Variants in LAMA4 observed in about 807,000 individuals in gnomAD.
The protein encoded by LAMA4 is laminin subunit alpha 4, also known as laminin subunit alpha-4.
A neutral mutation model predicts 207.1 loss-of-function variants in LAMA4; 127 were observed. That is an observed-to-expected ratio of 0.61 (90% CI 0.53 to 0.71). LAMA4 has a LOEUF of 0.71. Ranked by LOEUF, LAMA4 falls within the 30% of genes least tolerant of loss-of-function variation. The pLI is 0.00. For synonymous variants in LAMA4, 761 were observed against 816.0 expected (o/e 0.93, Z 1.15); for missense variants, 2,093 against 2,246.5 (o/e 0.93, Z 1.38).
chr6:112,194,684 C>T (rs1400003078), intron 5 of LAMA4, among the ~76,000 whole-genome samples: 2 of 152,180 alleles, frequency 1.3e-5, no homozygotes, highest in Non-Finnish European at 2.9e-5. Context: ...GTTCTTTCCA[C>T]TCCAGCAGTC....
intron 2 of LAMA4, among the ~76,000 whole-genome samples, chr6:112,241,240 T>C (rs150680328): frequency 2.7e-5 from 4 of 146,924 alleles, no homozygotes; most frequent in African/African-American, 9.9e-5. Context: ...TATATGAATG[T>C]GTATATATAT....
At chr6:112,115,733 A>C (rs587745053) in intron 36 of LAMA4, 130 bp downstream of exon 36, 1 of 1,014,240 alleles carries the variant, frequency 9.9e-7, no homozygotes. Context: ...TTTACATTTC[A>C]TGTTATAGCT....
At chr6:112,224,808 TG>T (rs1313296292) in intron 2 of LAMA4, among the ~76,000 whole-genome samples, 2 of 128,334 alleles carry the variant, frequency 1.6e-5, no homozygotes, top group Non-Finnish European at 3.2e-5. Flanking sequence ...AGAGCAAGAC[TG>T]TCTCAAAAAA....
chr6:112,141,511 A>T lies in LAMA4; in HGVS notation c.2668-8T>A. ...CATATACTCTTTTTTGGCCTGAAAT[A>T]TCAAGAAGTAAGAAGTCATTTAAAT... On this transcript the variant is annotated splice_polypyrimidine_tract_variant and splice_region_variant and intron_variant, in intron 20 of 38. Coordinates refer to ENST00000230538, the MANE Select transcript of LAMA4 (RefSeq NM_001105206.3). 6.3e-7 allele frequency: 1 copy of T among 1,575,400 alleles called. No individual in the cohort carries two copies. Among genetic ancestry groups the T allele is most frequent in the Non-Finnish European group, 8.7e-7 (1 of 1,144,722 alleles).
intron 2 of LAMA4, among the ~76,000 whole-genome samples, chr6:112,220,070 A>C (rs1209990255): frequency 7.9e-5 from 12 of 152,162 alleles, no homozygotes; most frequent in African/African-American, 2.9e-4. Context: ...GCCTCCTTTA[A>C]ATCCCAGAAA....
chr6:112,191,859 G>T lies in LAMA4; in HGVS notation c.504-9C>A. On this transcript the variant is annotated splice_polypyrimidine_tract_variant and intron_variant, in intron 5 of 38. Transcript: ENST00000230538. ...AGTAACCGGGAGCACATCTGAAGAGGAATATCACACATTTAAATATTTAGC... is the reference window on the plus strand; with the variant it reads ...AGTAACCGGGAGCACATCTGAAGAGTAATATCACACATTTAAATATTTAGC... The T allele has an allele frequency of 6.3e-7, 1 of 1,580,858 alleles. No homozygotes were observed. The highest frequency in any genetic ancestry group is 8.7e-7 in the Non-Finnish European group (1 of 1,150,354).
At chr6:112,133,780 T>C (rs1045796134) in intron 26 of LAMA4, among the ~76,000 whole-genome samples, 1 of 152,192 alleles carries the variant, frequency 6.6e-6, no homozygotes, top group African/African-American at 2.4e-5. Flanking sequence ...ATGATTTCCC[T>C]TTAGCAGACG....
intron 16 of LAMA4, among the ~76,000 whole-genome samples, chr6:112,151,144 A>T (rs1780378498): frequency 1.3e-5 from 2 of 152,184 alleles, no homozygotes; most frequent in Non-Finnish European, 2.9e-5. Context: ...ATAGAAACTT[A>T]TTACCACCTT....
Position 112,139,265 on chromosome 6 carries a change from C to T in LAMA4, c.3137G>A (p.Arg1046Gln), listed in dbSNP as rs782026501. 1.4e-5 allele frequency: 23 copies of T among 1,613,986 alleles called. No individual in the cohort carries two copies. In the East Asian group the frequency reaches 2.2e-4, roughly 16 times the overall value. ...GCCATCGAAGAAGTAACTGGCAGCC[C>T]GACTCTGAGTGAAGGCCAGCTTATC... is the stretch of plus-strand genomic sequence containing the variant. ...ARDKLAFTQS[R>Q]AASYFFDGSG... is the part of the protein sequence containing the mutation. The change falls in exon 24 of 39, where the codon CGG becomes CAG. Residue 1046 changes from arginine (R) to glutamine (Q), a missense_variant. This residue lies in a region of LAMA4 where 1,704 missense variants were observed against 1,788.4 expected (regional missense o/e 0.95). Transcript: ENST00000230538.
chr6:112,161,323 A>C (rs1474960344), intron 13 of LAMA4, among the ~76,000 whole-genome samples: 1 of 152,226 alleles, frequency 6.6e-6, no homozygotes, highest in Non-Finnish European at 1.5e-5. Flanking sequence ...GCAGGAACTG[A>C]GTTTAACTTA....
intron 11 of LAMA4, among the ~76,000 whole-genome samples, chr6:112,173,298 A>G (rs1341382118): frequency 6.6e-6 from 1 of 152,224 alleles, no homozygotes; most frequent in Non-Finnish European, 1.5e-5. Context: ...AAAAAAGATT[A>G]AATGGCAATG....
intron 9 of LAMA4, among the ~76,000 whole-genome samples, chr6:112,180,692 C>T (rs1039078187): frequency 1.3e-5 from 2 of 152,028 alleles, no homozygotes; most frequent in Non-Finnish European, 2.9e-5. Context: ...GGATGATAAC[C>T]AATATCTAGG....
chr6:112,117,662 T>C lies in LAMA4; in HGVS notation c.4981+77A>G. The C allele has an allele frequency of 7.0e-7, 1 of 1,434,168 alleles. No individual in the cohort carries two copies. The highest frequency in any genetic ancestry group is 9.8e-7 in the Non-Finnish European group (1 of 1,020,194). 88.8% of individuals were successfully genotyped at this position (1,434,168 alleles called of 1,614,324 possible). On this transcript the variant is annotated intron_variant, in intron 35 of 38. Transcript: ENST00000230538. This position sits in a 1 kb window ranked among gnomAD's most constrained non-coding sequence, Gnocchi z 4.5. ...GTTTGGCATTCTTAAGTTTTAACTC[T>C]GGGCCTGATATTCCCTGTTAGCCAT...
Position 112,201,613 on chromosome 6 carries a change from A to C in LAMA4, c.498T>G (p.Cys166Trp). 3.7e-6 allele frequency: 6 copies of C among 1,613,018 alleles called. No individual in the cohort carries two copies. Among genetic ancestry groups the C allele is most frequent in the Non-Finnish European group, 5.1e-6 (6 of 1,179,022 alleles). The part of the protein sequence containing the change: ...ICNENYAGPN[C>W]ERCAPGYYGN... ...AGAGAATTTTATTGGCTTACCTTTC[A>C]CAGTTAGGTCCAGCATAATTTTCGT... is the stretch of plus-strand genomic sequence containing the variant. The change falls in exon 5 of 39, where the codon TGT becomes TGG. Residue 166 changes from cysteine to tryptophan, a missense_variant. This residue lies in a region of LAMA4 where 1,704 missense variants were observed against 1,788.4 expected (regional missense o/e 0.95). Transcript: ENST00000230538.
intron 4 of LAMA4, among the ~76,000 whole-genome samples, chr6:112,202,785 A>T (rs1305680774): frequency 6.6e-6 from 1 of 152,166 alleles, no homozygotes; most frequent in Non-Finnish European, 1.5e-5. Flanking sequence ...TACTTAAAGA[A>T]CCACTGTCAG....
chr6:112,136,442 A>G (rs1779352375), intron 24 of LAMA4, among the ~76,000 whole-genome samples, 188 bp from the exon 25 acceptor site: 1 of 152,196 alleles, frequency 6.6e-6, no homozygotes, highest in Non-Finnish European at 1.5e-5. Flanking sequence ...CTGTAATCCC[A>G]GCACTCTGGG....
At chr6:112,204,471 T>G (rs1783936001) in intron 4 of LAMA4, among the ~76,000 whole-genome samples, 1 of 141,026 alleles carries the variant, frequency 7.1e-6, no homozygotes, top group Admixed American at 6.9e-5. Context: ...CATCTGCTAC[T>G]GCCAAAAAAA....
At chr6:112,229,582 T>A (rs1489054206) in intron 2 of LAMA4, among the ~76,000 whole-genome samples, 1 of 152,188 alleles carries the variant, frequency 6.6e-6, no homozygotes, top group African/African-American at 2.4e-5. Flanking sequence ...CTGGGGGCCA[T>A]AGGTAGGAAA....
At chr6:112,248,549 T>G (rs1584018011) in intron 2 of LAMA4, among the ~76,000 whole-genome samples, 1 of 152,192 alleles carries the variant, frequency 6.6e-6, no homozygotes, top group East Asian at 1.9e-4. Context: ...TTATTTTTAT[T>G]TTATCATGTT....
Sources: allele counts gnomAD v4.1 joint callset (sites outside exome capture counted in the v4.1 genomes callset), GRCh38; gene constraint gnomAD v4.1.1; regional missense constraint gnomAD v4.1.1; non-coding constraint Gnocchi (gnomAD v3.1); transcripts MANE v1.5; gene names NCBI Gene and HGNC (gene_info 2026-07-23, HGNC 2026-07-21).